COL24A1: variants seen among roughly 807,000 people sequenced by gnomAD.
COL24A1 encodes collagen type XXIV alpha 1 chain.
In COL24A1, 224 loss-of-function variants were observed where a neutral mutation model predicts 253.9. The ratio of observed to expected loss-of-function variants is 0.88; its 90% CI spans 0.79 to 0.99. The LOEUF (loss-of-function observed/expected upper bound fraction) is 0.99, where lower values mean the gene tolerates loss of function less well. Ranked by LOEUF, COL24A1 falls within the 50% of genes least tolerant of loss-of-function variation. The probability of loss-of-function intolerance (pLI) is 0.00; values close to 1 mark genes in which losing one functional copy is unlikely to be tolerated. For missense variants in COL24A1, 2,131 were observed against 2,068.5 expected, an observed-to-expected ratio of 1.03 and a Z score of -0.59; for synonymous variants, 685 against 673.7, an observed-to-expected ratio of 1.02 and a Z score of -0.26.
chr1:85,951,369 T>G (rs573613716), intron 24 of COL24A1, among the ~76,000 whole-genome samples: 1 of 152,256 alleles, frequency 6.6e-6, no homozygotes, highest in African/African-American at 2.4e-5. Context: ...TAGAAAAGAC[T>G]TCATGGTTGA....
At chr1:85,947,814 C>G (rs1689475068) in intron 24 of COL24A1, among the ~76,000 whole-genome samples, 3 of 152,090 alleles carry the variant, frequency 2.0e-5, no homozygotes, top group African/African-American at 7.2e-5. Flanking sequence ...TAGTTCATTT[C>G]TGTCAGCAGT....
intron 45 of COL24A1, among the ~76,000 whole-genome samples, 191 bp downstream of exon 45, chr1:85,823,340 TCAAAA>T (rs1673857642): frequency 6.6e-6 from 1 of 152,108 alleles, no homozygotes; most frequent in African/African-American, 2.4e-5. Flanking sequence ...TGGATAATAG[TCAAAA>T]CAAATGACTC....
chr1:85,730,427 T>A lies in COL24A1; in HGVS notation c.*119A>T. The A allele has an allele frequency of 9.2e-7, 1 of 1,091,310 alleles. No homozygotes were observed. The highest frequency in any genetic ancestry group is 2.1e-5 in the South Asian group (1 of 48,744). The allele number at this position is 1,091,310 out of a possible 1,614,324, so 67.6% of individuals were successfully genotyped here. On this transcript the variant is annotated 3_prime_UTR_variant, in exon 60 of 60. Coordinates refer to ENST00000370571, the MANE Select transcript of COL24A1 (RefSeq NM_152890.7). ...GAAGTCTGTTCTTCCTGAGATTCTT[T>A]AAGATTTAGCCAATGCTTTATTACA...
intron 3 of COL24A1, among the ~76,000 whole-genome samples, chr1:86,119,341 C>CT (rs35894455): frequency 0.52 from 79,405 of 151,864 alleles, 21,611 homozygotes; most frequent in Non-Finnish European, 0.62. Flanking sequence ...TGAAAATCCA[C>CT]TTTTTTGATT....
chr1:86,085,963 TCA>T (rs1453875264), intron 7 of COL24A1, among the ~76,000 whole-genome samples: 8 of 151,996 alleles, frequency 5.3e-5, no homozygotes, highest in African/African-American at 1.9e-4. Context: ...AATTTCACTT[TCA>T]GTTTTCAAGA....
At chr1:85,858,627 C>CCTTT (rs1558416402) in intron 37 of COL24A1, among the ~76,000 whole-genome samples, 1 of 115,934 alleles carries the variant, frequency 8.6e-6, no homozygotes, top group Non-Finnish European at 1.7e-5. Context: ...CTCCCTCCTT[C>CCTTT]CTTCCTTCCT....
intron 5 of COL24A1, among the ~76,000 whole-genome samples, chr1:86,112,079 C>T (rs768878225): frequency 8.5e-5 from 13 of 152,146 alleles, no homozygotes; most frequent in African/African-American, 1.2e-4. Context: ...CAACTATGTA[C>T]GCTCATATAT....
chr1:85,898,236 A>T (rs1331596377), intron 28 of COL24A1, among the ~76,000 whole-genome samples: 1 of 152,234 alleles, frequency 6.6e-6, no homozygotes, highest in Non-Finnish European at 1.5e-5. Flanking sequence ...ACAGATTTGA[A>T]GGAGTCCTTT....
chr1:85,976,549 C>T (rs977900573), intron 20 of COL24A1, among the ~76,000 whole-genome samples: 9 of 152,118 alleles, frequency 5.9e-5, no homozygotes, highest in Middle Eastern at 3.2e-3. Flanking sequence ...CTTCTCTACC[C>T]GCCTAGTAGC....
intron 43 of COL24A1, among the ~76,000 whole-genome samples, chr1:85,829,940 T>C (rs963880628): frequency 6.6e-6 from 1 of 152,114 alleles, no homozygotes; most frequent in Non-Finnish European, 1.5e-5. Flanking sequence ...GTCATTCTCC[T>C]TCCAGCTTTG....
At chr1:86,087,612 T>C (rs1184814684) in intron 7 of COL24A1, among the ~76,000 whole-genome samples, 1 of 152,240 alleles carries the variant, frequency 6.6e-6, no homozygotes, top group Non-Finnish European at 1.5e-5. Context: ...TCTTCTGTCA[T>C]GTACAGTGTC....
intron 41 of COL24A1, among the ~76,000 whole-genome samples, 158 bp downstream of exon 41, chr1:85,841,910 G>A (rs923880491): frequency 6.6e-6 from 1 of 152,012 alleles, no homozygotes; most frequent in Non-Finnish European, 1.5e-5. Context: ...TTAAATTTTA[G>A]CTCCTTGATA....
intron 47 of COL24A1, among the ~76,000 whole-genome samples, chr1:85,792,573 T>C (rs1394247889): frequency 1.3e-5 from 2 of 149,864 alleles, no homozygotes; most frequent in Non-Finnish European, 3.0e-5. Context: ...GGGCATGGTA[T>C]TGTGAGCATC....
intron 7 of COL24A1, among the ~76,000 whole-genome samples, chr1:86,066,974 T>TA (rs1270025832): frequency 6.6e-6 from 1 of 151,808 alleles, no homozygotes; most frequent in East Asian, 1.9e-4. Flanking sequence ...CCGTCTCTAT[T>TA]AAAAATACAA....
At chr1:85,968,879 C>G (rs1691835544) in intron 22 of COL24A1, among the ~76,000 whole-genome samples, 1 of 152,154 alleles carries the variant, frequency 6.6e-6, no homozygotes, top group Admixed American at 6.6e-5. Flanking sequence ...TCTTGTCCTA[C>G]TTAAATTCTA....
chr1:85,876,994 T>A (rs1347007642), intron 33 of COL24A1, 128 bp downstream of exon 33: 6 of 596,656 alleles, frequency 1.0e-5, no homozygotes, highest in African/African-American at 4.0e-5. Flanking sequence ...GGAATTTTAG[T>A]TTTTTTCTGA....
Position 86,125,761 on chromosome 1 carries a change from G to T in COL24A1, c.575C>A (p.Pro192Gln). ...ATTAGAATCAAAGGTCTGAACTTCTGGAATAGTCTCTGTGCTAAAATATTT... is the reference window on the plus strand; with the variant it reads ...ATTAGAATCAAAGGTCTGAACTTCTTGAATAGTCTCTGTGCTAAAATATTT... Reference protein sequence around the residue: ...GKKYFSTETIPEVQTFDSNSV... With the variant: ...GKKYFSTETIQEVQTFDSNSV... The change falls in exon 3 of 60, where the codon CCA becomes CAA. Residue 192 changes from proline (P) to glutamine (Q), a missense_variant. Pro to Gln is a moderately conservative substitution (Grantham distance 76). Coordinates refer to ENST00000370571, the MANE Select transcript of COL24A1 (RefSeq NM_152890.7). 1 of 1,611,926 alleles carries T rather than the reference G, an allele frequency of 6.2e-7. No individual in the cohort carries two copies.
At chr1:85,875,020 C>T (rs1455318715) in intron 34 of COL24A1, among the ~76,000 whole-genome samples, 2 of 152,196 alleles carry the variant, frequency 1.3e-5, no homozygotes, top group Non-Finnish European at 2.9e-5. Flanking sequence ...CGAGGTAGGA[C>T]AGTTTCATCC....
intron 37 of COL24A1, among the ~76,000 whole-genome samples, chr1:85,866,227 C>T (rs1309733678): frequency 6.6e-6 from 1 of 152,098 alleles, no homozygotes; most frequent in South Asian, 2.1e-4. Context: ...CGTGCCACTG[C>T]ACTTCTGGGT....
Sources: gnomAD v4.1 joint callset for allele counts (sites outside exome capture counted in the v4.1 genomes callset) on GRCh38, gnomAD v4.1.1 for gene constraint, MANE v1.5 for transcripts, NCBI Gene and HGNC (gene_info 2026-07-23, HGNC 2026-07-21) for gene names.